The following ZNF839 variants were observed in gnomAD, a reference collection of about 807,000 sequenced individuals.
The protein encoded by ZNF839 is renal carcinoma antigen NY-REN-50.
In ZNF839, 38 loss-of-function variants were observed where a neutral mutation model predicts 56.4. The observed-to-expected ratio is 0.67, with a 90% confidence interval of 0.52 to 0.88. ZNF839 has a LOEUF of 0.88. ZNF839 is among the 40% of genes least tolerant of loss of function. The pLI, the probability that ZNF839 is intolerant of heterozygous loss-of-function variation, is 0.00. For synonymous variants in ZNF839, 486 were observed against 493.5 expected (o/e 0.98, Z 0.20); for missense variants, 1,091 against 1,177.6 (o/e 0.93, Z 1.08).
At chr14:102,341,292 G>A (rs1001697216) in intron 7 of ZNF839, 31 bp from the exon 8 acceptor site, 24 of 1,513,038 alleles carry the variant, frequency 1.6e-5, no homozygotes, top group Admixed American at 2.3e-5. Context: ...CACAGTACAC[G>A]CCATGTTCAC....
chr14:102,333,867 C>T (rs773954782), intron 3 of ZNF839, among the ~76,000 whole-genome samples: 8 of 152,208 alleles, frequency 5.3e-5, no homozygotes, highest in Non-Finnish European at 1.0e-4. Context: ...TTCGCCTACC[C>T]CAGGCTCAAG....
chr14:102,326,791 C>T lies in ZNF839; in HGVS notation c.1095C>T (p.Leu365=), dbSNP rs765390120. The T allele has an allele frequency of 1.9e-6, 3 of 1,612,312 alleles. No homozygotes were observed. The highest frequency in any genetic ancestry group is 2.5e-6 in the Non-Finnish European group (3 of 1,179,274). The part of the protein sequence containing the change: ...TLRGCTEERT[L]SLTSLGLSMP... Reference sequence around the variant, plus strand: ...GGGGGTGCACGGAGGAAAGGACGCTCAGCCTGACCTCCCTGGGGCTGTCCA... The same window carrying T: ...GGGGGTGCACGGAGGAAAGGACGCTTAGCCTGACCTCCCTGGGGCTGTCCA... The change falls in exon 2 of 8, where the codon CTC becomes CTT. Residue 365 remains leucine, a synonymous_variant. Transcript: ENST00000442396. This position sits in a 1 kb window ranked among gnomAD's most constrained non-coding sequence, Gnocchi z 4.3.
chr14:102,334,143 A>G (rs1362020394), intron 3 of ZNF839, among the ~76,000 whole-genome samples: 1 of 152,212 alleles, frequency 6.6e-6, no homozygotes, highest in East Asian at 1.9e-4. Context: ...TGGAGAAGGA[A>G]ATCCAAACCT....
chr14:102,322,772 C>T (rs1424489581), intron 1 of ZNF839, among the ~76,000 whole-genome samples: 2 of 152,160 alleles, frequency 1.3e-5, no homozygotes, highest in Non-Finnish European at 2.9e-5. Flanking sequence ...GCTATGTTAC[C>T]CAGGCTGGCC....
chr14:102,326,299 A>G lies in ZNF839; in HGVS notation c.603A>G (p.Glu201=), dbSNP rs1366691138. ...TCCCAGCCCCCAAGGCTCCAGATGA[A>G]CAGGGCTCCATGTTGACCCCTTTGT... ...KRVPAPKAPD[E]QGSMLTPLSA... is the part of the protein sequence containing the mutation. Residue 201 remains glutamate (E), a synonymous_variant, in exon 2 of 8, where the codon GAA becomes GAG. Transcript: ENST00000442396. The surrounding 1 kb of genome is among the most constrained non-coding windows in gnomAD (Gnocchi z 4.3). 1 of 1,612,968 alleles carries G rather than the reference A, an allele frequency of 6.2e-7. No individual in the cohort carries two copies. Among genetic ancestry groups the G allele is most frequent in the Admixed American group, 1.7e-5 (1 of 59,792 alleles).
At position 102,328,828 on chromosome 14, in the gene ZNF839, G is replaced by A. The variant is rs1162247340; in HGVS notation, c.1191+1941G>A. ...CAGAATGTCCTCCCTCTGTAAGACT[G>A]AGTAATATCTCACTGTGTGTACATA... On this transcript the variant is annotated intron_variant, in intron 2 of 7. Coordinates refer to ENST00000442396, the MANE Select transcript of ZNF839 (RefSeq NM_018335.6). Among the ~76,000 whole-genome samples the A allele has an allele frequency of 2.0e-5, 3 of 152,030 alleles. No individual in the cohort carries two copies. The East Asian group carries it at 5.8e-4, about 29-fold the overall frequency.
intron 4 of ZNF839, 194 bp from the exon 5 acceptor site, chr14:102,335,495 C>G (rs1567294318): frequency 1.8e-6 from 1 of 569,118 alleles, no homozygotes; most frequent in Non-Finnish European, 3.0e-6. Flanking sequence ...TTGGCCTGCT[C>G]CTCCCATGCC....
rs759293706 is a variant in ZNF839, at chr14:102,341,588, C to G, written c.2193C>G (p.His731Gln). The G allele has an allele frequency of 6.2e-7, 1 of 1,613,742 alleles. No individual in the cohort carries two copies. Among genetic ancestry groups the G allele is most frequent in the East Asian group, 2.2e-5 (1 of 44,882 alleles). Residue 731 changes from histidine to glutamine, a missense_variant, in exon 8 of 8, where the codon CAC becomes CAG. His to Gln is a conservative substitution (Grantham distance 24). Coordinates refer to ENST00000442396, the MANE Select transcript of ZNF839 (RefSeq NM_018335.6). ...AAFPGENALE[H>Q]SSDQDTWDSL... The stretch of plus-strand genomic sequence containing the variant: ...TTCCTGGAGAGAATGCTTTGGAACA[C>G]TCTTCAGACCAGGACACCTGGGACA...
chr14:102,319,742 G>T, upstream of ZNF839: 1 of 1,228,276 alleles, frequency 8.1e-7, no homozygotes, highest in Non-Finnish European at 1.0e-6. The surrounding 1 kb of genome is among the most constrained non-coding windows in gnomAD (Gnocchi z 4.5). Context: ...AGCGACCCGG[G>T]TTCGAGTCCC....
chr14:102,330,210 A>C (rs188314781), intron 2 of ZNF839, among the ~76,000 whole-genome samples: 100 of 151,998 alleles, frequency 6.6e-4, no homozygotes, highest in African/African-American at 2.2e-3. Context: ...GTATTCTATT[A>C]TAATTCTCTC....
At chr14:102,339,345 C>T (rs897773581) in intron 7 of ZNF839, 122 bp downstream of exon 7, 1 of 1,330,488 alleles carries the variant, frequency 7.5e-7, no homozygotes. Context: ...TAAGGGGACC[C>T]TCTGGTTTCT....
intron 2 of ZNF839, 174 bp from the exon 3 acceptor site, chr14:102,331,448 C>T: frequency 1.7e-6 from 1 of 584,778 alleles, no homozygotes. Context: ...TGGGGTTTCA[C>T]CATGCTGGCC....
Position 102,341,351 on chromosome 14 carries a change from C to T in ZNF839, c.1956C>T (p.Val652=), listed in dbSNP as rs749159246. ...TTTCCCCTCCAGTAAATGTGACTGT[C>T]TCTCCCCGTTCTGAAGAAAGCCATA... ...AGFSPPVNVT[V]SPRSEESHTT... Residue 652 remains valine, a synonymous_variant, in exon 8 of 8, where the codon GTC becomes GTT. Coordinates refer to ENST00000442396, the MANE Select transcript of ZNF839 (RefSeq NM_018335.6). 7.2e-6 allele frequency: 11 copies of T among 1,524,806 alleles called. No homozygotes were observed. Among genetic ancestry groups the T allele is most frequent in the Non-Finnish European group, 8.8e-6 (10 of 1,137,992 alleles). 94.5% of individuals were successfully genotyped at this position (1,524,806 alleles called of 1,614,324 possible). A position where few individuals can be genotyped will look rare whatever the true frequency, so the allele number is the denominator to read the frequency against.
At chr14:102,336,302 T>C (rs1885696630) in intron 5 of ZNF839, among the ~76,000 whole-genome samples, 1 of 152,110 alleles carries the variant, frequency 6.6e-6, no homozygotes, top group African/African-American at 2.4e-5. Context: ...TTTTTCTTTT[T>C]GTTTTTTTGG....
In ZNF839 at chr14:102,326,442, G is replaced by A. The variant is rs768015001; in HGVS notation, c.746G>A (p.Arg249His). 8.7e-6 allele frequency: 14 copies of A among 1,613,796 alleles called. No homozygotes were observed. In the East Asian group the frequency reaches 1.1e-4, roughly 13 times the overall value. The change falls in exon 2 of 8, where the codon CGT becomes CAT. Residue 249 changes from arginine (R) to histidine (H), a missense_variant. Around this residue, in one of 3 missense-constraint regions of ZNF839, gnomAD observed 614 missense variants for 629.2 expected, o/e 0.98. Coordinates refer to ENST00000442396, the MANE Select transcript of ZNF839 (RefSeq NM_018335.6). The surrounding 1 kb of genome is among the most constrained non-coding windows in gnomAD (Gnocchi z 4.3). ...KLKKSLKVKT[R>H]SGRVSRPPKY... ...AAAAAATCGTTAAAAGTAAAGACAC[G>A]TTCTGGACGGGTATCTCGACCTCCC...
At chr14:102,318,944 G>C (rs1343246339), upstream of ZNF839, among the ~76,000 whole-genome samples, 1 of 152,164 alleles carries the variant, frequency 6.6e-6, no homozygotes, top group Admixed American at 6.5e-5. Flanking sequence ...AGGGTTTGTG[G>C]ACCAGTGGAC....
At chr14:102,327,653 C>T (rs1490803418) in intron 2 of ZNF839, among the ~76,000 whole-genome samples, 1 of 152,234 alleles carries the variant, frequency 6.6e-6, no homozygotes, top group African/African-American at 2.4e-5. Context: ...ATCATCCTTA[C>T]ATTGACCCTT....
At chr14:102,331,590 T>A in intron 2 of ZNF839, 32 bp from the exon 3 acceptor site, 1 of 1,566,708 alleles carries the variant, frequency 6.4e-7, no homozygotes, top group South Asian at 1.2e-5. Context: ...ATGATTGTTT[T>A]ATTTTACTTT....
chr14:102,319,871 C>G lies in ZNF839; in HGVS notation c.106C>G (p.Leu36Val). ...QSGSVARVAP[L>V]GPEQLRQVLE... ...CGGCAGCGTCGCACGTGTGGCCCCGCTGGGCCCCGAGCAGCTGCGGCAGGT... is the reference window on the plus strand; with the variant it reads ...CGGCAGCGTCGCACGTGTGGCCCCGGTGGGCCCCGAGCAGCTGCGGCAGGT... Residue 36 changes from leucine to valine, a missense_variant, in exon 1 of 8, where the codon CTG becomes GTG. Physicochemically the swap from Leu to Val is conservative, Grantham distance 32. Transcript: ENST00000442396. This position sits in a 1 kb window ranked among gnomAD's most constrained non-coding sequence, Gnocchi z 4.5. 8.1e-7 allele frequency: 1 copy of G among 1,230,484 alleles called. No individual in the cohort carries two copies. The highest frequency in any genetic ancestry group is 1.0e-6 in the Non-Finnish European group (1 of 983,016). The allele number at this position is 1,230,484 out of a possible 1,614,324, so 76.2% of individuals were successfully genotyped here.
Sources: gnomAD v4.1 joint callset for allele counts (sites outside exome capture counted in the v4.1 genomes callset) on GRCh38, gnomAD v4.1.1 for gene constraint, gnomAD v4.1.1 regional missense constraint, Gnocchi (gnomAD v3.1) non-coding constraint, MANE v1.5 for transcripts, NCBI Gene and HGNC (gene_info 2026-07-23, HGNC 2026-07-21) for gene names.